KAT6A: variants seen among roughly 807,000 people sequenced by gnomAD.
KAT6A encodes the protein histone acetyltransferase KAT6A.
A neutral mutation model predicts 198.4 loss-of-function variants in KAT6A; 9 were observed. The observed-to-expected ratio is 0.05, with a 90% CI of 0.03 to 0.08. KAT6A has a LOEUF of 0.08. Ranked by LOEUF, KAT6A falls within the 10% of genes least tolerant of loss-of-function variation. The probability of loss-of-function intolerance (pLI) is 1.00; values close to 1 mark genes in which losing one functional copy is unlikely to be tolerated. For synonymous variants in KAT6A, 890 were observed against 883.0 expected (o/e 1.01, Z -0.14); for missense variants, 2,077 against 2,509.9 (o/e 0.83, Z 3.69).
chr8:42,019,005 C>T (rs1826403072), intron 2 of KAT6A, among the ~76,000 whole-genome samples: 1 of 152,140 alleles, frequency 6.6e-6, no homozygotes, highest in South Asian at 2.1e-4. Flanking sequence ...ATGAATTTAA[C>T]TTAAATTCCT....
Position 41,934,414 on chromosome 8 carries a change from T to G in KAT6A, c.3806A>C (p.Glu1269Ala). 6.2e-7 allele frequency: 1 copy of G among 1,612,002 alleles called. No homozygotes were observed. The highest frequency in any genetic ancestry group is 1.1e-5 in the South Asian group (1 of 90,984). ...GGGCTTCTCTTCTTCCTCCTCCACC[T>G]CAGGCTCCTTGGTTTCGGTCTCAGG... is the stretch of plus-strand genomic sequence containing the variant. ...NSPETETKEPEVEEEEEKPRV... is the reference protein window; with the variant it reads ...NSPETETKEPAVEEEEEKPRV... Residue 1269 changes from glutamate to alanine, a missense_variant, in exon 17 of 17, where the codon GAG becomes GCG. Coordinates refer to ENST00000265713, the MANE Select transcript of KAT6A (RefSeq NM_006766.5).
intron 2 of KAT6A, among the ~76,000 whole-genome samples, chr8:42,013,767 G>C (rs532440540): frequency 2.0e-5 from 3 of 152,302 alleles, no homozygotes; most frequent in South Asian, 2.1e-4. Flanking sequence ...ACTGACTGCA[G>C]ATTTAAAGGG....
chr8:41,993,504 T>C (rs1380855449), intron 2 of KAT6A, among the ~76,000 whole-genome samples: 1 of 152,234 alleles, frequency 6.6e-6, no homozygotes, highest in African/African-American at 2.4e-5. Context: ...TGCATATTCT[T>C]TGGCCAAGCA....
intron 15 of KAT6A, among the ~76,000 whole-genome samples, chr8:41,938,954 G>GA (rs894664976): frequency 0.018 from 1,331 of 75,336 alleles, 14 homozygotes; most frequent in African/African-American, 0.037. Flanking sequence ...TCTGGGGAAG[G>GA]AAAAAAAAAA....
intron 15 of KAT6A, among the ~76,000 whole-genome samples, chr8:41,939,628 A>G (rs1468144993): frequency 1.3e-5 from 2 of 152,204 alleles, no homozygotes; most frequent in African/African-American, 4.8e-5. Flanking sequence ...TCTCAAGAAT[A>G]TATTACCCCA....
chr8:41,963,442 C>T (rs570496465), intron 8 of KAT6A, among the ~76,000 whole-genome samples: 16 of 152,306 alleles, frequency 1.1e-4, no homozygotes, highest in African/African-American at 3.8e-4. Context: ...AAATAGAACA[C>T]TAGAAGACCT....
At position 41,937,478 on chromosome 8, in the gene KAT6A, C is replaced by G. The variant is rs1325061348; in HGVS notation, c.3130G>C (p.Val1044Leu). 1 of 1,614,186 alleles carries G rather than the reference C, an allele frequency of 6.2e-7. No homozygotes were observed. The highest frequency in any genetic ancestry group is 8.5e-7 in the Non-Finnish European group (1 of 1,180,002). Reference sequence around the variant, plus strand: ...GAATCTTCAAAAGGTTCATCTAACACTTCAGTGGTCTCAGAAATAGTTTCT... The same window carrying G: ...GAATCTTCAAAAGGTTCATCTAACAGTTCAGTGGTCTCAGAAATAGTTTCT... ...VTETISETTEVLDEPFEDSDS... is the reference protein window; with the variant it reads ...VTETISETTELLDEPFEDSDS... The change falls in exon 16 of 17, where the codon GTG (valine) becomes CTG (leucine). Residue 1044 changes from valine (V) to leucine (L), a missense_variant. Around this residue, in one of 13 missense-constraint regions of KAT6A, gnomAD observed 19 missense variants for 40.5 expected, o/e 0.47. Coordinates refer to ENST00000265713, the MANE Select transcript of KAT6A (RefSeq NM_006766.5).
intron 3 of KAT6A, 32 bp from the exon 4 acceptor site, chr8:41,981,986 C>T: frequency 7.9e-7 from 1 of 1,258,280 alleles, no homozygotes; most frequent in Non-Finnish European, 1.2e-6. Flanking sequence ...ATGAATGAAA[C>T]AATCAAGAAC....
chr8:42,049,869 T>C (rs937770091), intron 1 of KAT6A, among the ~76,000 whole-genome samples: 2 of 152,232 alleles, frequency 1.3e-5, no homozygotes, highest in African/African-American at 2.4e-5. Context: ...AAGTACAGTA[T>C]TACCTTAATC....
chr8:41,993,076 C>G (rs1825020389), intron 2 of KAT6A, among the ~76,000 whole-genome samples: 1 of 152,132 alleles, frequency 6.6e-6, no homozygotes, highest in Non-Finnish European at 1.5e-5. Flanking sequence ...CCTGTATATT[C>G]CCTGTAATAT....
rs149204810 is a variant in KAT6A, at chr8:41,934,742, G to A, written c.3478C>T (p.Pro1160Ser). 3 of 1,613,992 alleles carry A rather than the reference G, an allele frequency of 1.9e-6. No homozygotes were observed. In the African/African-American group the frequency reaches 4.0e-5, roughly 22 times the overall value. The change falls in exon 17 of 17, where the codon CCA (proline) becomes TCA (serine). Residue 1160 changes from proline to serine, a missense_variant. Coordinates refer to ENST00000265713, the MANE Select transcript of KAT6A (RefSeq NM_006766.5). ...KGWPKGKSRK[P>S]IHWKKRPGRK... The stretch of plus-strand genomic sequence containing the variant: ...CCAGGTCTTTTCTTCCAGTGGATTG[G>A]TTTGCGGCTCTTGCCTTTGGGCCAT...
intron 14 of KAT6A, 138 bp from the exon 15 acceptor site, chr8:41,941,582 G>T: frequency 1.2e-6 from 1 of 842,598 alleles, no homozygotes. Flanking sequence ...ATTTAACATG[G>T]ATATTTCCTG....
intron 2 of KAT6A, among the ~76,000 whole-genome samples, chr8:42,020,220 T>C (rs1010295994): frequency 2.0e-5 from 3 of 152,204 alleles, no homozygotes; most frequent in African/African-American, 7.2e-5. Context: ...TGTTACCTGG[T>C]TCGCAGACTT....
At chr8:41,944,459 T>C (rs1822283303) in intron 12 of KAT6A, among the ~76,000 whole-genome samples, 1 of 152,208 alleles carries the variant, frequency 6.6e-6, no homozygotes, top group South Asian at 2.1e-4. Context: ...TTACCTATCA[T>C]TCTAACTCTA....
chr8:41,985,986 G>C (rs1824582296), intron 3 of KAT6A, among the ~76,000 whole-genome samples: 1 of 152,112 alleles, frequency 6.6e-6, no homozygotes, highest in Admixed American at 6.5e-5. Context: ...CTGTTGCCAG[G>C]CTGGAGTGCA....
rs778758801 is a variant in KAT6A at position 41,933,855 on chromosome 8, G to A, written c.4365C>T (p.Thr1455=). 1 of 1,614,096 alleles carries A rather than the reference G, an allele frequency of 6.2e-7. No homozygotes were observed. The highest frequency in any genetic ancestry group is 8.5e-7 in the Non-Finnish European group (1 of 1,180,010). ...CGTCAGCCTGGGTGTAACTCTGCAG[G>A]GTCTGACACGCCGCAAGAGTTTCCT... ...DCEETLAACQ[T]LQSYTQADED... The change falls in exon 17 of 17, where the codon ACC becomes ACT. Residue 1455 remains threonine (T), a synonymous_variant. Coordinates refer to ENST00000265713, the MANE Select transcript of KAT6A (RefSeq NM_006766.5). The surrounding 1 kb of genome is among the most constrained non-coding windows in gnomAD (Gnocchi z 6.2).
chr8:41,975,314 AC>A (rs920759342), intron 7 of KAT6A, among the ~76,000 whole-genome samples: 3 of 152,104 alleles, frequency 2.0e-5, no homozygotes, highest in Non-Finnish European at 2.9e-5. Context: ...AACTCTATTT[AC>A]CCAGATGATA....
chr8:41,996,302 A>C (rs1478592081), intron 2 of KAT6A, among the ~76,000 whole-genome samples: 4 of 152,214 alleles, frequency 2.6e-5, no homozygotes, highest in African/African-American at 9.6e-5. Context: ...TGTGGTTTCT[A>C]AAAGCTACAA....
chr8:41,944,931 CAGA>C (rs1340840474), intron 12 of KAT6A, among the ~76,000 whole-genome samples: 5 of 152,152 alleles, frequency 3.3e-5, no homozygotes, highest in Non-Finnish European at 5.9e-5. Flanking sequence ...AAAATATGGA[CAGA>C]AGGACAGTCT....
Sources: gnomAD v4.1 joint callset for allele counts (sites outside exome capture counted in the v4.1 genomes callset) on GRCh38, gnomAD v4.1.1 for gene constraint, gnomAD v4.1.1 regional missense constraint, Gnocchi (gnomAD v3.1) non-coding constraint, MANE v1.5 for transcripts, NCBI Gene and HGNC (gene_info 2026-07-23, HGNC 2026-07-21) for gene names.